Variants in CCR10 observed in about 807,000 individuals in gnomAD.
CCR10 encodes C-C chemokine receptor type 10.
In CCR10, 11 loss-of-function variants were observed where a neutral mutation model predicts 11.9. The ratio of observed to expected loss-of-function variants is 0.92; its 90% CI spans 0.58 to 1.53. CCR10 has a LOEUF of 1.53. CCR10 is among the 40% of genes most tolerant of loss of function. The pLI is 0.00. For synonymous variants in CCR10, 224 were observed against 245.4 expected, an observed-to-expected ratio of 0.91 and a Z score of 0.81; for missense variants, 428 against 496.6, an observed-to-expected ratio of 0.86 and a Z score of 1.31.
intron 1 of CCR10, among the ~76,000 whole-genome samples, chr17:42,680,886 G>A (rs912327801): frequency 5.3e-5 from 8 of 152,140 alleles, no homozygotes; most frequent in African/African-American, 1.9e-4. Context: ...AACCTGTAAT[G>A]TTGAGATTAT....
At position 42,679,783 on chromosome 17, in the gene CCR10, G is replaced by A. The variant is rs1358686033; in HGVS notation, c.859C>T (p.Arg287Cys). The stretch of plus-strand genomic sequence containing the variant: ...GTCACCAGCAGTGCGACATCCTTGC[G>A]TTTGCTGGCAGGGCAGCTCCGCTCG... ...ARERSCPASK[R>C]KDVALLVTSG... The change falls in exon 2 of 2, where the codon CGC (arginine) becomes TGC (cysteine). Residue 287 changes from arginine to cysteine, a missense_variant. Arg to Cys is a radical substitution (Grantham distance 180). Coordinates refer to ENST00000332438, the MANE Select transcript of CCR10 (RefSeq NM_016602.3). 1 of 1,607,014 alleles carries A rather than the reference G, an allele frequency of 6.2e-7. No homozygotes were observed. The highest frequency in any genetic ancestry group is 8.5e-7 in the Non-Finnish European group (1 of 1,177,850).
In CCR10 at chr17:42,680,606, G is replaced by A; in HGVS notation, c.36C>T (p.Gly12=). The part of the protein sequence containing the change: ...GTEATEQVSW[G]HYSGDEEDAY... ...CGTCCTCTTCATCCCCAGAGTAATG[G>A]CCCCAGGAAACCTGGGAGGGTCAAA... Residue 12 remains glycine (G), a synonymous_variant, in exon 2 of 2, where the codon GGC becomes GGT. Coordinates refer to ENST00000332438, the MANE Select transcript of CCR10 (RefSeq NM_016602.3). The A allele has an allele frequency of 6.4e-7, 1 of 1,554,818 alleles. No homozygotes were observed. Among genetic ancestry groups the A allele is most frequent in the Non-Finnish European group, 8.7e-7 (1 of 1,147,348 alleles).
At position 42,680,167 on chromosome 17, in the gene CCR10, G is replaced by T; in HGVS notation, c.475C>A (p.His159Asn). Residue 159 changes from histidine to asparagine, a missense_variant, in exon 2 of 2, where the codon CAC becomes AAC. His to Asn is a moderately conservative substitution (Grantham distance 68). Transcript: ENST00000332438. The part of the protein sequence containing the change: ...GPRPSTPGRA[H>N]LVSVIVWLLS... ...AGCCACACGATGACGGAGACCAAGT[G>T]TGCGCGGCCGGGAGTGGAGGGCCGC... The T allele has an allele frequency of 2.5e-6, 4 of 1,611,870 alleles. No individual in the cohort carries two copies. The highest frequency in any genetic ancestry group is 3.4e-6 in the Non-Finnish European group (4 of 1,179,548).
chr17:42,679,928 C>T lies in CCR10; in HGVS notation c.714G>A (p.Arg238=). Residue 238 remains arginine (R), a synonymous_variant, in exon 2 of 2, where the codon AGG becomes AGA. Transcript: ENST00000332438. ...ALLGRTLLAA[R]GPERRRALRV... ...GCAGCGCACGCCGGCGCTCGGGCCC[C>T]CTGGCGGCCAGCAGCGTGCGGCCCA... The T allele has an allele frequency of 6.4e-7, 1 of 1,555,480 alleles. No homozygotes were observed. Among genetic ancestry groups the T allele is most frequent in the Non-Finnish European group, 8.6e-7 (1 of 1,156,202 alleles).
intron 1 of CCR10, among the ~76,000 whole-genome samples, 155 bp downstream of exon 1, chr17:42,681,645 C>A (rs115236732): frequency 1.3e-5 from 2 of 152,186 alleles, no homozygotes; most frequent in Non-Finnish European, 2.9e-5. Flanking sequence ...ACACCACCAG[C>A]CCATTTATCT....
intron 1 of CCR10, 114 bp downstream of exon 1, chr17:42,681,686 A>G: frequency 1.2e-6 from 1 of 809,382 alleles, no homozygotes. Flanking sequence ...CAGCGCCAAG[A>G]ATCCTGAATA....
Position 42,679,610 on chromosome 17 carries a change from G to A in CCR10, c.1032C>T (p.Pro344=), listed in dbSNP as rs763856054. ...TGGGAGCTGAGCAGGAAGAAAGGCG[G>A]GGCCGGCGGGGGCAGCCGCGGCGGG... is the stretch of plus-strand genomic sequence containing the variant. ...PQPRRGCPRR[P]RLSSCSAPTE... The change falls in exon 2 of 2, where the codon CCC becomes CCT. Residue 344 remains proline, a synonymous_variant. Transcript: ENST00000332438. 5.9e-5 allele frequency: 88 copies of A among 1,483,126 alleles called. No individual in the cohort carries two copies. The highest frequency in any genetic ancestry group is 7.8e-5 in the Non-Finnish European group (87 of 1,121,882). The allele number at this position is 1,483,126 out of a possible 1,614,324, so 91.9% of individuals were successfully genotyped here. A position where few individuals can be genotyped will look rare whatever the true frequency, so the allele number is the denominator to read the frequency against.
chr17:42,680,339 C>T lies in CCR10; in HGVS notation c.303G>A (p.Gly101=), dbSNP rs777080789. 6 of 1,552,524 alleles carry T rather than the reference C, an allele frequency of 3.9e-6. No homozygotes were observed. The African/African-American group carries it at 5.5e-5, about 14-fold the overall frequency. The stretch of plus-strand genomic sequence containing the variant: ...TTCCCAGACTCCAGCCCTGAAGAGC[C>T]CCTGCTGCCGCGAAGGGCAGAGTCA... ...LALTLPFAAA[G]ALQGWSLGSA... The change falls in exon 2 of 2, where the codon GGG becomes GGA. Residue 101 remains glycine, a synonymous_variant. Coordinates refer to ENST00000332438, the MANE Select transcript of CCR10 (RefSeq NM_016602.3).
At position 42,679,947 on chromosome 17, in the gene CCR10, C is replaced by A. The variant is rs1168419237; in HGVS notation, c.695G>T (p.Arg232Leu). ...GGGCCCCCTGGCGGCCAGCAGCGTG[C>A]GGCCCAGAAGCGCGTAGCAGGCTAC... Reference protein sequence around the residue: ...VMVACYALLGRTLLAARGPER... With the variant: ...VMVACYALLGLTLLAARGPER... Residue 232 changes from arginine to leucine, a missense_variant, in exon 2 of 2, where the codon CGC (arginine) becomes CTC (leucine). Transcript: ENST00000332438. The A allele has an allele frequency of 1.3e-6, 2 of 1,555,496 alleles. No individual in the cohort carries two copies. Among genetic ancestry groups the A allele is most frequent in the East Asian group, 2.4e-5 (1 of 42,360 alleles).
intron 1 of CCR10, 75 bp from the exon 2 acceptor site, chr17:42,680,692 TC>T: frequency 5.6e-6 from 6 of 1,078,772 alleles, no homozygotes; most frequent in Non-Finnish European, 8.1e-6. Context: ...ACACTTGCCT[TC>T]CAAGCTGAGA....
In CCR10 at chr17:42,679,347, C is replaced by T. The variant is rs1324893175; in HGVS notation, c.*206G>A. ...GGGCGGGGGCGGGGTGTTAACCCAC[C>T]GGTTCTGCCCCGCCACAAATCACTT... On this transcript the variant is annotated 3_prime_UTR_variant, in exon 2 of 2. Coordinates refer to ENST00000332438, the MANE Select transcript of CCR10 (RefSeq NM_016602.3). The T allele has an allele frequency of 3.0e-5, 12 of 401,914 alleles. No individual in the cohort carries two copies. The highest frequency in any genetic ancestry group is 4.8e-5 in the Non-Finnish European group (11 of 230,680). The allele number at this position is 401,914 out of a possible 1,614,324, so 24.9% of individuals were successfully genotyped here.
In CCR10 at chr17:42,680,349, G is replaced by A; in HGVS notation, c.293C>T (p.Ala98Val). 1.9e-6 allele frequency: 3 copies of A among 1,553,226 alleles called. No homozygotes were observed. The highest frequency in any genetic ancestry group is 1.4e-5 in the African/African-American group (1 of 73,296). ...CCAGCCCTGAAGAGCCCCTGCTGCCGCGAAGGGCAGAGTCAGGGCCAGCAA... is the reference window on the plus strand; with the variant it reads ...CCAGCCCTGAAGAGCCCCTGCTGCCACGAAGGGCAGAGTCAGGGCCAGCAA... ...DLLLALTLPF[A>V]AAGALQGWSL... The change falls in exon 2 of 2, where the codon GCG (alanine) becomes GTG (valine). Residue 98 changes from alanine to valine, a missense_variant. Physicochemically the swap from Ala to Val is moderately conservative, Grantham distance 64. Transcript: ENST00000332438.
In CCR10 at chr17:42,680,559, G is replaced by T; in HGVS notation, c.83C>A (p.Pro28Gln). The change falls in exon 2 of 2, where the codon CCG becomes CAG. Residue 28 changes from proline to glutamine, a missense_variant. Physicochemically the swap from Pro to Gln is moderately conservative, Grantham distance 76 (BLOSUM62 -1). Transcript: ENST00000332438. ...EEDAYSAEPL[P>Q]ELCYKADVQA... ...GACATCGGCCTTGTAGCAAAGCTCC[G>T]GCAGTGGCTCAGCCGAGTATGCGTC... 1.9e-6 allele frequency: 3 copies of T among 1,606,904 alleles called. No individual in the cohort carries two copies. In the East Asian group the frequency reaches 6.7e-5, roughly 36 times the overall value.
rs1180010305 is a variant in CCR10 at position 42,679,814 on chromosome 17, A to T, written c.828T>A (p.Ala276=). Residue 276 remains alanine, a synonymous_variant, in exon 2 of 2, where the codon GCT becomes GCA. Transcript: ENST00000332438. ...ALLLDTADLL[A]ARERSCPASK... is the part of the protein sequence containing the mutation. ...TGGCAGGGCAGCTCCGCTCGCGCGC[A>T]GCCAGTAGATCGGCAGTATCCAGCA... is the stretch of plus-strand genomic sequence containing the variant. 1 of 1,605,818 alleles carries T rather than the reference A, an allele frequency of 6.2e-7. No homozygotes were observed. The highest frequency in any genetic ancestry group is 1.7e-5 in the Admixed American group (1 of 59,448).
chr17:42,679,761 A>G lies in CCR10; in HGVS notation c.881T>C (p.Val294Ala), dbSNP rs1412111095. The G allele has an allele frequency of 6.2e-7, 1 of 1,602,430 alleles. No homozygotes were observed. ...GCGGGCGAGGGCCAAGCCGCTGGTCACCAGCAGTGCGACATCCTTGCGTTT... is the reference window on the plus strand; with the variant it reads ...GCGGGCGAGGGCCAAGCCGCTGGTCGCCAGCAGTGCGACATCCTTGCGTTT... ...ASKRKDVALL[V>A]TSGLALARCG... The change falls in exon 2 of 2, where the codon GTG becomes GCG. Residue 294 changes from valine to alanine, a missense_variant. Transcript: ENST00000332438.
At chr17:42,681,207 G>T (rs1477361437) in intron 1 of CCR10, among the ~76,000 whole-genome samples, 1 of 152,026 alleles carries the variant, frequency 6.6e-6, no homozygotes, top group Non-Finnish European at 1.5e-5. Context: ...GTAGAGATGG[G>T]GTTTCACCAT....
rs1284787164 is a variant in CCR10 at position 42,680,338 on chromosome 17, C to A, written c.304G>T (p.Ala102Ser). The A allele has an allele frequency of 1.9e-6, 3 of 1,552,430 alleles. 1 individual carries two copies. The highest frequency in any genetic ancestry group is 3.9e-5 in the Admixed American group (2 of 51,122). ...CTTCCCAGACTCCAGCCCTGAAGAG[C>A]CCCTGCTGCCGCGAAGGGCAGAGTC... ...ALTLPFAAAG[A>S]LQGWSLGSAT... The change falls in exon 2 of 2, where the codon GCT becomes TCT. Residue 102 changes from alanine (A) to serine (S), a missense_variant. Transcript: ENST00000332438.
rs1200380102 is a variant in CCR10, at chr17:42,680,358, A to G, written c.284T>C (p.Leu95Pro). Reference sequence around the variant, plus strand: ...AAGAGCCCCTGCTGCCGCGAAGGGCAGAGTCAGGGCCAGCAAGAGGTCGGC... The same window carrying G: ...AAGAGCCCCTGCTGCCGCGAAGGGCGGAGTCAGGGCCAGCAAGAGGTCGGC... Reference protein sequence around the residue: ...ALADLLLALTLPFAAAGALQG... With the variant: ...ALADLLLALTPPFAAAGALQG... The change falls in exon 2 of 2, where the codon CTG (leucine) becomes CCG (proline). Residue 95 changes from leucine to proline, a missense_variant. Transcript: ENST00000332438. The G allele has an allele frequency of 6.4e-7, 1 of 1,554,596 alleles. No individual in the cohort carries two copies. Among genetic ancestry groups the G allele is most frequent in the Non-Finnish European group, 8.7e-7 (1 of 1,149,142 alleles).
chr17:42,681,172 C>A (rs943345950), intron 1 of CCR10, among the ~76,000 whole-genome samples: 1 of 152,092 alleles, frequency 6.6e-6, no homozygotes, highest in South Asian at 2.1e-4. Context: ...CCCACCACCA[C>A]GCCCAGCTAA....
Sources: gnomAD v4.1 joint callset for allele counts (sites outside exome capture counted in the v4.1 genomes callset) on GRCh38, gnomAD v4.1.1 for gene constraint, MANE v1.5 for transcripts, NCBI Gene and HGNC (gene_info 2026-07-23, HGNC 2026-07-21) for gene names.